The following SNX4 variants were observed in gnomAD, a reference collection of about 807,000 sequenced individuals.
SNX4 encodes the protein sorting nexin 4.
A neutral mutation model predicts 70.8 loss-of-function variants in SNX4; 49 were observed. The observed-to-expected ratio is 0.69, with a 90% CI of 0.55 to 0.88. The LOEUF is 0.88. Ranked by LOEUF, SNX4 falls within the 40% of genes least tolerant of loss-of-function variation. The probability of loss-of-function intolerance (pLI) is 0.00; values close to 1 mark genes in which losing one functional copy is unlikely to be tolerated. For synonymous variants in SNX4, 206 were observed against 183.8 expected, an observed-to-expected ratio of 1.12 and a Z score of -0.98; for missense variants, 528 against 544.8, an observed-to-expected ratio of 0.97 and a Z score of 0.31.
intron 1 of SNX4, among the ~76,000 whole-genome samples, chr3:125,509,752 CAAAAAAAAAAAAAAAA>C (rs202049305): frequency 4.4e-5 from 3 of 68,686 alleles, no homozygotes; most frequent in Non-Finnish European, 8.5e-5. Context: ...GAATCTGTCT[CAAAAAAAAAAAAAAAA>C]AAAAAAAAAG....
Position 125,480,328 on chromosome 3 carries a change from G to A in SNX4, c.654-9C>T. On this transcript the variant is annotated splice_polypyrimidine_tract_variant and intron_variant, in intron 6 of 13. Coordinates refer to ENST00000251775, the MANE Select transcript of SNX4 (RefSeq NM_003794.4). ...TAAGGTCAGTAAATCTCCTGAAACA[G>A]GAAACAAATAAAACATCGTTTTTCA... The A allele has an allele frequency of 2.7e-6, 4 of 1,482,516 alleles. No homozygotes were observed. Among genetic ancestry groups the A allele is most frequent in the Non-Finnish European group, 1.8e-6 (2 of 1,106,444 alleles). The allele number at this position is 1,482,516 out of a possible 1,614,324, so 91.8% of individuals were successfully genotyped here.
Position 125,495,277 on chromosome 3 carries a change from T to TATATATATATATATATATAC in SNX4, c.597+2063_597+2064insGTATATATATATATATATAT. On this transcript the variant is annotated intron_variant, in intron 5 of 13. Coordinates refer to ENST00000251775, the MANE Select transcript of SNX4 (RefSeq NM_003794.4). ...ATATATATATATATATATATATATA[T>TATATATATATATATATATAC]ACACATACACACACACACACGTATG... 5.0e-3 allele frequency among the ~76,000 whole-genome samples: 499 copies of TATATATATATATATATATAC among 99,484 alleles called. 13 individuals carry two copies. Among genetic ancestry groups the TATATATATATATATATATAC allele is most frequent in the African/African-American group, 0.015 (411 of 27,896 alleles). The allele number at this position is 99,484 out of a possible 152,430, so 65.3% of individuals were successfully genotyped here.
At chr3:125,466,344 C>CAAAAAAAAAAA (rs75116020) in intron 9 of SNX4, among the ~76,000 whole-genome samples, 1 of 105,786 alleles carries the variant, frequency 9.5e-6, no homozygotes. Context: ...TAACTATTAA[C>CAAAAAAAAAAA]AAAAAAAAAA....
chr3:125,500,217 G>T (rs1222315660), intron 2 of SNX4, among the ~76,000 whole-genome samples: 1 of 151,912 alleles, frequency 6.6e-6, no homozygotes, highest in Non-Finnish European at 1.5e-5. Context: ...TACCTAAATG[G>T]TTTTACTTGT....
chr3:125,484,430 CT>C (rs1433435263), intron 6 of SNX4, among the ~76,000 whole-genome samples: 2 of 151,984 alleles, frequency 1.3e-5, no homozygotes, highest in Non-Finnish European at 2.9e-5. Context: ...AATTTTTATA[CT>C]TTTAGTAGAG....
At chr3:125,459,910 G>A (rs575487455) in intron 10 of SNX4, among the ~76,000 whole-genome samples, 43 of 152,022 alleles carry the variant, frequency 2.8e-4, no homozygotes, top group African/African-American at 8.9e-4. Flanking sequence ...TTTTAAAAGC[G>A]ACAGGACAGT....
chr3:125,448,430 C>T (rs950915048), intron 13 of SNX4, among the ~76,000 whole-genome samples: 9 of 151,834 alleles, frequency 5.9e-5, no homozygotes, highest in East Asian at 3.9e-4. Context: ...CCACAGTGCC[C>T]GGCTCGGTTT....
chr3:125,487,772 A>C (rs1258953867), intron 6 of SNX4, among the ~76,000 whole-genome samples: 5 of 151,778 alleles, frequency 3.3e-5, no homozygotes, highest in Admixed American at 3.3e-4. Context: ...AAAAAAAAAC[A>C]AAACTATAGC....
intron 6 of SNX4, among the ~76,000 whole-genome samples, chr3:125,486,869 A>C (rs1934544912): frequency 1.3e-5 from 2 of 152,180 alleles, no homozygotes; most frequent in African/African-American, 4.8e-5. Flanking sequence ...TGAGCAACAC[A>C]GTGAGACTGC....
intron 7 of SNX4, 74 bp from the exon 8 acceptor site, chr3:125,476,830 CA>C (rs1934299772): frequency 1.3e-6 from 1 of 795,252 alleles, no homozygotes; most frequent in Admixed American, 2.6e-5. Context: ...ACCCAAAAAA[CA>C]AAAAACATGC....
Position 125,513,709 on chromosome 3 carries a change from G to A in SNX4, c.141+6323C>T, listed in dbSNP as rs549539147. Among the ~76,000 whole-genome samples the A allele has an allele frequency of 5.3e-5, 8 of 152,322 alleles. No homozygotes were observed. In the East Asian group the frequency reaches 1.3e-3, roughly 26 times the overall value. ...TCCGTGTTACTGAAACATTCAGAGA[G>A]TTAAGGATAAGAACCACCTATTGAA... On this transcript the variant is annotated intron_variant, in intron 1 of 13. Coordinates refer to ENST00000251775, the MANE Select transcript of SNX4 (RefSeq NM_003794.4).
intron 1 of SNX4, among the ~76,000 whole-genome samples, chr3:125,516,029 T>C (rs4470457): frequency 0.54 from 82,544 of 152,092 alleles, 24,092 homozygotes; most frequent in African/African-American, 0.78. Flanking sequence ...GTCTACTCCA[T>C]TTAGTTCTCT....
chr3:125,457,664 G>A (rs528061699), intron 10 of SNX4, among the ~76,000 whole-genome samples: 2 of 139,264 alleles, frequency 1.4e-5, no homozygotes, highest in African/African-American at 5.4e-5. Flanking sequence ...TGCAACCTCC[G>A]CCTCCCGGGT....
At position 125,497,862 on chromosome 3, in the gene SNX4, T is replaced by A; in HGVS notation, c.521A>T (p.Asp174Val). The A allele has an allele frequency of 1.2e-6, 2 of 1,609,558 alleles. No homozygotes were observed. Among genetic ancestry groups the A allele is most frequent in the Non-Finnish European group, 1.7e-6 (2 of 1,178,820 alleles). Residue 174 changes from aspartate to valine, a missense_variant, in exon 4 of 14, where the codon GAC becomes GTC. Physicochemically the swap from Asp to Val is radical, Grantham distance 152 (BLOSUM62 -3). Coordinates refer to ENST00000251775, the MANE Select transcript of SNX4 (RefSeq NM_003794.4). ...TGTTAAAAACAGATAGAAGATTTTGTCTCTACAAAGGATGGGATGTGAAGC... is the reference window on the plus strand; with the variant it reads ...TGTTAAAAACAGATAGAAGATTTTGACTCTACAAAGGATGGGATGTGAAGC... ...RIASHPILCR[D>V]KIFYLFLTQE...
At chr3:125,469,040 C>T (rs1025057461) in intron 9 of SNX4, among the ~76,000 whole-genome samples, 5 of 152,064 alleles carry the variant, frequency 3.3e-5, no homozygotes, top group African/African-American at 1.2e-4. Flanking sequence ...TTACTAAAAG[C>T]GGCAAGAGCA....
chr3:125,504,590 T>C (rs1559824325), intron 2 of SNX4, 33 bp downstream of exon 2: 1 of 1,593,898 alleles, frequency 6.3e-7, no homozygotes, highest in East Asian at 2.2e-5. Context: ...AAGCTTTCTG[T>C]CTACCTGCCC....
intron 1 of SNX4, among the ~76,000 whole-genome samples, chr3:125,512,825 C>A (rs976852844): frequency 1.3e-5 from 2 of 150,520 alleles, no homozygotes; most frequent in African/African-American, 4.9e-5. Context: ...TGTAGTGACT[C>A]AATCCTGGCT....
Position 125,501,581 on chromosome 3 carries a change from C to T in SNX4, c.263+3042G>A, listed in dbSNP as rs888450728. On this transcript the variant is annotated intron_variant, in intron 2 of 13. Transcript: ENST00000251775. The stretch of plus-strand genomic sequence containing the variant: ...GTTGCAGTGAGTCAAGATCATGTCA[C>T]GGCATTCCAGCCTGGGTGACAGAGC... 1.7e-4 allele frequency among the ~76,000 whole-genome samples: 25 copies of T among 150,888 alleles called. 1 individual carries two copies. Among genetic ancestry groups the T allele is most frequent in the African/African-American group, 4.9e-4 (20 of 40,930 alleles).
chr3:125,459,434 T>C (rs977350971), intron 10 of SNX4, among the ~76,000 whole-genome samples: 3 of 152,166 alleles, frequency 2.0e-5, no homozygotes, highest in Non-Finnish European at 4.4e-5. Flanking sequence ...AATTCCACTG[T>C]ACTCAGCAAC....
Sources: allele counts gnomAD v4.1 joint callset (sites outside exome capture counted in the v4.1 genomes callset), GRCh38; gene constraint gnomAD v4.1.1; transcripts MANE v1.5; gene names NCBI Gene and HGNC (gene_info 2026-07-23, HGNC 2026-07-21).